Variants in ABRAXAS1 observed in about 807,000 individuals in gnomAD.
ABRAXAS1 encodes BRCA1-A complex subunit Abraxas 1.
A neutral mutation model predicts 38.4 loss-of-function variants in ABRAXAS1; 26 were observed. The ratio of observed to expected loss-of-function variants is 0.68; its 90% confidence interval spans 0.50 to 0.94. The LOEUF (loss-of-function observed/expected upper bound fraction) is 0.94, where lower values mean the gene tolerates loss of function less well. ABRAXAS1 is among the 40% of genes least tolerant of loss of function. The probability of loss-of-function intolerance (pLI) is 0.00; values close to 1 mark genes in which losing one functional copy is unlikely to be tolerated. For synonymous variants in ABRAXAS1, 144 were observed against 165.5 expected (o/e 0.87, Z 1.00); for missense variants, 438 against 481.9 (o/e 0.91, Z 0.85).
At chr4:83,476,566 G>A (rs2110044767) in intron 3 of ABRAXAS1, 77 bp downstream of exon 3, 2 of 1,023,900 alleles carry the variant, frequency 2.0e-6, no homozygotes, top group South Asian at 2.7e-5. Flanking sequence ...AAGATAATCT[G>A]TTAGTTTTAA....
At chr4:83,471,148 AAC>A (rs888687816) in intron 4 of ABRAXAS1, among the ~76,000 whole-genome samples, 2 of 151,626 alleles carry the variant, frequency 1.3e-5, no homozygotes, top group African/African-American at 2.4e-5. Context: ...GGGGGGAAAA[AAC>A]ACAAGCATTT....
intron 7 of ABRAXAS1, 127 bp downstream of exon 7, chr4:83,467,327 C>T: frequency 1.6e-6 from 1 of 625,692 alleles, no homozygotes; most frequent in Non-Finnish European, 2.8e-6. Flanking sequence ...AGGTACATAG[C>T]CTTCATTAAG....
At chr4:83,475,266 C>CATA (rs1296327211) in intron 3 of ABRAXAS1, among the ~76,000 whole-genome samples, 5 of 152,182 alleles carry the variant, frequency 3.3e-5, no homozygotes, top group African/African-American at 1.2e-4. Flanking sequence ...GTCCATTACA[C>CATA]ATAAGGCAGT....
intron 5 of ABRAXAS1, 59 bp downstream of exon 5, chr4:83,470,144 T>C: frequency 7.5e-7 from 1 of 1,325,336 alleles, no homozygotes; most frequent in Non-Finnish European, 1.0e-6. Context: ...CAAAAAGTAC[T>C]AAGTATTAGA....
Position 83,462,582 on chromosome 4 carries a change from C to G in ABRAXAS1, c.1117G>C (p.Asp373His). The change falls in exon 9 of 9, where the codon GAT becomes CAT. Residue 373 changes from aspartate (D) to histidine (H), a missense_variant. This residue lies in a region of ABRAXAS1 where 184 missense variants were observed against 181.9 expected (regional missense o/e 1.01). Coordinates refer to ENST00000321945, the MANE Select transcript of ABRAXAS1 (RefSeq NM_139076.3). ...TTATCTTGGTTACTACTACCAGTAT[C>G]TGCTTTAGATCGTTTGTCTTGTGTA... ...LDTQDKRSKA[D>H]TGSSNQDKAS... is the part of the protein sequence containing the mutation. 1 of 1,614,060 alleles carries G rather than the reference C, an allele frequency of 6.2e-7. No individual in the cohort carries two copies. Among genetic ancestry groups the G allele is most frequent in the South Asian group, 1.1e-5 (1 of 91,082 alleles).
intron 5 of ABRAXAS1, 165 bp from the exon 6 acceptor site, chr4:83,469,316 GTT>G (rs148107040): frequency 0.011 from 5,202 of 462,538 alleles, no homozygotes; most frequent in South Asian, 0.017. Flanking sequence ...TGAAACAACT[GTT>G]TTTTTTTTTT....
At chr4:83,479,105 T>C (rs1399364100) in intron 2 of ABRAXAS1, 1 of 152,168 alleles carries the variant, frequency 6.6e-6, no homozygotes, top group South Asian at 2.1e-4. Flanking sequence ...ATACCTAGTG[T>C]TGGCAAGAGC....
In ABRAXAS1 at chr4:83,462,268, T is replaced by G. The variant is rs1722147515; in HGVS notation, c.*201A>C. On this transcript the variant is annotated 3_prime_UTR_variant, in exon 9 of 9. Coordinates refer to ENST00000321945, the MANE Select transcript of ABRAXAS1 (RefSeq NM_139076.3). ...ACTTAGTGAAAGGTGAAAAAAAGGT[T>G]TGGAAATAAAAGCATCTGATGTTTG... The G allele has an allele frequency of 9.3e-6, 5 of 539,288 alleles. No homozygotes were observed. Among genetic ancestry groups the G allele is most frequent in the Non-Finnish European group, 1.6e-5 (5 of 308,846 alleles). 33.4% of individuals were successfully genotyped at this position (539,288 alleles called of 1,614,324 possible).
intron 2 of ABRAXAS1, chr4:83,477,759 A>G (rs888454038): frequency 1.5e-6 from 1 of 674,168 alleles, no homozygotes; most frequent in Non-Finnish European, 2.8e-6. Flanking sequence ...TTGGCTCTGT[A>G]TTCAGGAATT....
At chr4:83,477,916 C>A (rs1722842363) in intron 2 of ABRAXAS1, 2 of 779,910 alleles carry the variant, frequency 2.6e-6, no homozygotes, top group South Asian at 2.7e-5. Context: ...TGATATTTTC[C>A]ACTATAGCCA....
intron 7 of ABRAXAS1, among the ~76,000 whole-genome samples, chr4:83,464,613 C>T (rs1722278092): frequency 6.6e-6 from 1 of 152,130 alleles, no homozygotes; most frequent in African/African-American, 2.4e-5. Context: ...TTTTTACAAA[C>T]TTTTTTTGCC....
intron 7 of ABRAXAS1, 122 bp from the exon 8 acceptor site, chr4:83,463,730 A>T (rs977688178): frequency 1.1e-5 from 5 of 458,586 alleles, no homozygotes; most frequent in Non-Finnish European, 1.9e-5. Context: ...TTTGCCTTTT[A>T]TATAAATTTT....
chr4:83,460,464 T>A lies in ABRAXAS1; in HGVS notation c.*2005A>T, dbSNP rs1722047053. Reference sequence around the variant, plus strand: ...GCCACTGCACCCAACCCCACTTGTTTTTGTAGTTTTGTTTACGTAGTGCCA... The same window carrying A: ...GCCACTGCACCCAACCCCACTTGTTATTGTAGTTTTGTTTACGTAGTGCCA... On this transcript the variant is annotated 3_prime_UTR_variant, in exon 9 of 9. Coordinates refer to ENST00000321945, the MANE Select transcript of ABRAXAS1 (RefSeq NM_139076.3). 1 of 153,708 alleles carries A rather than the reference T, an allele frequency of 6.5e-6. No individual in the cohort carries two copies. The highest frequency in any genetic ancestry group is 1.4e-5 in the Non-Finnish European group (1 of 69,402). 9.5% of individuals were successfully genotyped at this position (153,708 alleles called of 1,614,324 possible).
rs1235394400 is a variant in ABRAXAS1, at chr4:83,462,049, A to G, written c.*420T>C. Reference sequence around the variant, plus strand: ...CTTTCCATATTTTGAAAATAAGGCTATTCTTGCTTTTCCATTTTATTTTTT... The same window carrying G: ...CTTTCCATATTTTGAAAATAAGGCTGTTCTTGCTTTTCCATTTTATTTTTT... On this transcript the variant is annotated 3_prime_UTR_variant, in exon 9 of 9. Transcript: ENST00000321945. 4.4e-6 allele frequency: 1 copy of G among 229,716 alleles called. No homozygotes were observed. The highest frequency in any genetic ancestry group is 8.6e-6 in the Non-Finnish European group (1 of 116,078). The allele number at this position is 229,716 out of a possible 1,614,324, so 14.2% of individuals were successfully genotyped here. A position where few individuals can be genotyped will look rare whatever the true frequency, so the allele number is the denominator to read the frequency against.
rs1225357836 is a variant in ABRAXAS1, at chr4:83,476,751, C to CCT, written c.179-74_179-73dup. The CCT allele has an allele frequency of 2.1e-5, 20 of 973,728 alleles. No individual in the cohort carries two copies. In the Middle Eastern group the frequency reaches 6.5e-4, roughly 32 times the overall value. The allele number at this position is 973,728 out of a possible 1,614,324, so 60.3% of individuals were successfully genotyped here. A position where few individuals can be genotyped will look rare whatever the true frequency, so the allele number is the denominator to read the frequency against. ...AATCACCTGAATGCTGCATATTGAGCCTTTACCTCACGCCAGGAAGTACTT... is the reference window on the plus strand; with the variant it reads ...AATCACCTGAATGCTGCATATTGAGCCTCTTTACCTCACGCCAGGAAGTACTT... On this transcript the variant is annotated intron_variant, in intron 2 of 8. Transcript: ENST00000321945.
chr4:83,475,941 C>G (rs921898006), intron 3 of ABRAXAS1, among the ~76,000 whole-genome samples: 3 of 152,166 alleles, frequency 2.0e-5, no homozygotes, highest in African/African-American at 7.2e-5. Flanking sequence ...ATGGCTCACG[C>G]CTGTAATCCC....
intron 7 of ABRAXAS1, among the ~76,000 whole-genome samples, chr4:83,464,690 A>C (rs3941194): frequency 6.6e-5 from 10 of 152,126 alleles, no homozygotes; most frequent in Non-Finnish European, 1.3e-4. Flanking sequence ...AACAGAACCA[A>C]TGAGATTCTT....
chr4:83,480,910 C>A lies in ABRAXAS1; in HGVS notation c.178+1244G>T, dbSNP rs751155364. ...CTTTGAAAGACCGAGGCGAGTGGAT[C>A]ACTTGAAGTCAGGAGTTCAAGGCAA... On this transcript the variant is annotated intron_variant, in intron 2 of 8. Coordinates refer to ENST00000321945, the MANE Select transcript of ABRAXAS1 (RefSeq NM_139076.3). Among the ~76,000 whole-genome samples, 22 of 152,160 alleles carry A rather than the reference C, an allele frequency of 1.4e-4. 1 individual carries two copies. Among genetic ancestry groups the A allele is most frequent in the Non-Finnish European group, 2.2e-4 (15 of 68,028 alleles).
At chr4:83,470,028 T>C in intron 5 of ABRAXAS1, 175 bp downstream of exon 5, 1 of 484,796 alleles carries the variant, frequency 2.1e-6, no homozygotes, top group East Asian at 3.3e-5. Flanking sequence ...AATTTCCTTG[T>C]CTGACCATTA....
Sources: gnomAD v4.1 joint callset for allele counts (sites outside exome capture counted in the v4.1 genomes callset) on GRCh38, gnomAD v4.1.1 for gene constraint, gnomAD v4.1.1 regional missense constraint, MANE v1.5 for transcripts, NCBI Gene and HGNC (gene_info 2026-07-23, HGNC 2026-07-21) for gene names.